PCNT: variants seen among roughly 807,000 people sequenced by gnomAD.
PCNT encodes pericentrin, also known as kendrin.
Under a neutral mutation model 380.4 loss-of-function variants are expected in PCNT, and 319 were observed. That is an observed-to-expected ratio of 0.84 (90% confidence interval 0.77 to 0.92). The LOEUF (loss-of-function observed/expected upper bound fraction) is 0.92, where lower values mean the gene tolerates loss of function less well. PCNT is among the 40% of genes least tolerant of loss of function. PCNT has a pLI of 0.00. For missense variants in PCNT, 4,400 were observed against 4,255.3 expected (o/e 1.03, Z -0.95); for synonymous variants, 1,845 against 1,735.2 (o/e 1.06, Z -1.57).
At chr21:46,436,652 A>G (rs1217407350) in intron 39 of PCNT, among the ~76,000 whole-genome samples, 2 of 152,196 alleles carry the variant, frequency 1.3e-5, no homozygotes, top group South Asian at 2.1e-4. Flanking sequence ...TGTATAGAGC[A>G]GCATGATTTC....
intron 20 of PCNT, 38 bp downstream of exon 20, chr21:46,390,870 G>A (rs529836012): frequency 5.0e-6 from 8 of 1,590,832 alleles, no homozygotes; most frequent in South Asian, 1.1e-5. Flanking sequence ...TGGAGCACAG[G>A]CACGGGGAGC....
intron 27 of PCNT, among the ~76,000 whole-genome samples, chr21:46,409,746 C>A (rs1277519492): frequency 6.6e-6 from 1 of 152,054 alleles, no homozygotes; most frequent in Non-Finnish European, 1.5e-5. Context: ...ACTACAGGTG[C>A]CCACGCCCGG....
chr21:46,356,753 C>T (rs1016224322), intron 12 of PCNT, among the ~76,000 whole-genome samples: 1 of 152,180 alleles, frequency 6.6e-6, no homozygotes, highest in Non-Finnish European at 1.5e-5. Flanking sequence ...CCCTGTGACT[C>T]GGGACGGCAC....
intron 16 of PCNT, 67 bp from the exon 17 acceptor site, chr21:46,385,765 G>A: frequency 1.3e-6 from 2 of 1,530,990 alleles, no homozygotes; most frequent in Admixed American, 1.7e-5. Context: ...TGTGTTGAAA[G>A]TCCCTTACAG....
At chr21:46,324,450 C>T (rs1448185719) in intron 1 of PCNT, among the ~76,000 whole-genome samples, 168 bp downstream of exon 1, 2 of 151,788 alleles carry the variant, frequency 1.3e-5, no homozygotes, top group African/African-American at 2.4e-5. Context: ...TGGCCGCCGC[C>T]ATCTTGAATC....
chr21:46,347,065 C>T (rs2084096014), intron 5 of PCNT, 67 bp downstream of exon 5: 1 of 1,547,476 alleles, frequency 6.5e-7, no homozygotes, highest in Non-Finnish European at 8.7e-7. Context: ...TGCCTGTTCC[C>T]TCTTGGGGTT....
Position 46,324,166 on chromosome 21 carries a change from G to A in PCNT, c.-63G>A, listed in dbSNP as rs552901359. 32 of 1,410,416 alleles carry A rather than the reference G, an allele frequency of 2.3e-5. No homozygotes were observed. In the African/African-American group the frequency reaches 3.7e-4, roughly 16 times the overall value. The allele number at this position is 1,410,416 out of a possible 1,614,324, so 87.4% of individuals were successfully genotyped here. A position where few individuals can be genotyped will look rare whatever the true frequency, so the allele number is the denominator to read the frequency against. On this transcript the variant is annotated 5_prime_UTR_variant, in exon 1 of 47. Coordinates refer to ENST00000359568, the MANE Select transcript of PCNT (RefSeq NM_006031.6). ...AAGCGCGGGGGAGGGAGTGTAAATAGAGCGAAGGCTGCTCTGTGTCAGCCC... is the reference window on the plus strand; with the variant it reads ...AAGCGCGGGGGAGGGAGTGTAAATAAAGCGAAGGCTGCTCTGTGTCAGCCC...
chr21:46,422,753 G>A (rs1027951577), intron 32 of PCNT, among the ~76,000 whole-genome samples: 4 of 152,086 alleles, frequency 2.6e-5, no homozygotes, highest in Non-Finnish European at 4.4e-5. Context: ...CTGAGACTGC[G>A]CAGTAAGTCC....
intron 2 of PCNT, among the ~76,000 whole-genome samples, chr21:46,328,122 G>A (rs2083446697): frequency 6.6e-6 from 1 of 152,216 alleles, no homozygotes; most frequent in Admixed American, 6.5e-5. Context: ...CTGGCTCAAG[G>A]TCATAATGTA....
chr21:46,439,557 C>T (rs1014973581), intron 41 of PCNT, among the ~76,000 whole-genome samples: 1 of 152,170 alleles, frequency 6.6e-6, no homozygotes, highest in Non-Finnish European at 1.5e-5. Flanking sequence ...AGTGTAAATG[C>T]CACGTAAATA....
Position 46,442,552 on chromosome 21 carries a change from C to G in PCNT, c.9679C>G (p.Gln3227Glu), listed in dbSNP as rs1393148684. ...AGTAGATCGGAAAGGAGCTCTGGCA[C>G]AAGGCAAAGCCCCTCGCCCAGGTGG... ...QEVDRKGALA[Q>E]GKAPRPGPRA... The change falls in exon 44 of 47, where the codon CAA (glutamine) becomes GAA (glutamate). Residue 3227 changes from glutamine to glutamate, a missense_variant. Physicochemically the swap from Gln to Glu is conservative, Grantham distance 29. Coordinates refer to ENST00000359568, the MANE Select transcript of PCNT (RefSeq NM_006031.6). 1 of 1,610,844 alleles carries G rather than the reference C, an allele frequency of 6.2e-7. No individual in the cohort carries two copies. The highest frequency in any genetic ancestry group is 1.3e-5 in the African/African-American group (1 of 74,934).
intron 15 of PCNT, among the ~76,000 whole-genome samples, chr21:46,380,015 A>G (rs2085459976): frequency 1.3e-5 from 2 of 152,152 alleles, no homozygotes; most frequent in Admixed American, 6.5e-5. Context: ...CCCTGTGGAC[A>G]TCGCATTCTC....
At chr21:46,369,205 C>T (rs1379866932) in intron 15 of PCNT, among the ~76,000 whole-genome samples, 2 of 152,212 alleles carry the variant, frequency 1.3e-5, no homozygotes. Context: ...GTCTTCACCA[C>T]ATGTCAGGGA....
At chr21:46,336,671 G>A (rs1191735124) in intron 3 of PCNT, among the ~76,000 whole-genome samples, 1 of 152,110 alleles carries the variant, frequency 6.6e-6, no homozygotes, top group Non-Finnish European at 1.5e-5. Context: ...ACCAAGACCT[G>A]GGCTCTAGGT....
At chr21:46,387,424 G>C (rs2085876339) in intron 17 of PCNT, among the ~76,000 whole-genome samples, 2 of 152,176 alleles carry the variant, frequency 1.3e-5, no homozygotes, top group Non-Finnish European at 2.9e-5. Context: ...CTTAACTCGA[G>C]GGGTGCAGAG....
At position 46,391,180 on chromosome 21, in the gene PCNT, C is replaced by G; in HGVS notation, c.4020C>G (p.Phe1340Leu). Reference protein sequence around the residue: ...LHKTQGTLEGFKVETADLKEV... With the variant: ...LHKTQGTLEGLKVETADLKEV... ...CCCACAAAGGTACCCTTGAGGGATT[C>G]AAGGTGGAGACAGCAGATCTGAAGG... Residue 1340 changes from phenylalanine to leucine, a missense_variant, in exon 21 of 47, where the codon TTC (phenylalanine) becomes TTG (leucine). Coordinates refer to ENST00000359568, the MANE Select transcript of PCNT (RefSeq NM_006031.6). 2 of 1,603,078 alleles carry G rather than the reference C, an allele frequency of 1.2e-6. No homozygotes were observed. Among genetic ancestry groups the G allele is most frequent in the Non-Finnish European group, 1.7e-6 (2 of 1,175,092 alleles).
At chr21:46,334,894 G>T in intron 3 of PCNT, 126 bp downstream of exon 3, 1 of 1,458,370 alleles carries the variant, frequency 6.9e-7, no homozygotes, top group Non-Finnish European at 9.4e-7. Flanking sequence ...GAAACTGGAA[G>T]CATAGAGAGC....
rs761736816 is a variant in PCNT at position 46,397,419 on chromosome 21, G to A, written c.4371G>A (p.Ala1457=). Residue 1457 remains alanine (A), a synonymous_variant, in exon 22 of 47, where the codon GCG becomes GCA. Transcript: ENST00000359568. The part of the protein sequence containing the change: ...LSQHRGCAKQ[A]EAVTALEQQV... ...AGCATCGCGGGTGTGCCAAGCAGGC[G>A]GAGGCCGTCACTGCCCTGGAACAGC... The A allele has an allele frequency of 5.1e-5, 82 of 1,614,084 alleles. No homozygotes were observed. Among genetic ancestry groups the A allele is most frequent in the Non-Finnish European group, 6.2e-5 (73 of 1,180,048 alleles).
chr21:46,356,128 C>T (rs1414797660), intron 12 of PCNT, among the ~76,000 whole-genome samples: 2 of 152,318 alleles, frequency 1.3e-5, no homozygotes, highest in African/African-American at 2.4e-5. Context: ...GGTCCCATGG[C>T]GCCGGACAGT....
Sources: gnomAD v4.1 joint callset for allele counts (sites outside exome capture counted in the v4.1 genomes callset) on GRCh38, gnomAD v4.1.1 for gene constraint, MANE v1.5 for transcripts, NCBI Gene and HGNC (gene_info 2026-07-23, HGNC 2026-07-21) for gene names.